The following FARS2 variants were observed in gnomAD, a reference collection of about 807,000 sequenced individuals.
The protein encoded by FARS2 is phenylalanyl-tRNA synthetase 2, mitochondrial, also known as phenylalanine--tRNA ligase, mitochondrial.
Under a neutral mutation model 46.4 loss-of-function variants are expected in FARS2, and 40 were observed. The ratio of observed to expected loss-of-function variants is 0.86; its 90% CI spans 0.67 to 1.12. FARS2 has a LOEUF of 1.12. Among genes scored for constraint, FARS2 ranks in the 50% most tolerant of loss-of-function variants. The pLI is 0.00. For missense variants in FARS2, 513 were observed against 567.9 expected (o/e 0.90, Z 0.98); for synonymous variants, 234 against 214.9 (o/e 1.09, Z -0.78).
At chr6:5,568,986 C>T (rs1459923974) in intron 5 of FARS2, among the ~76,000 whole-genome samples, 2 of 151,640 alleles carry the variant, frequency 1.3e-5, no homozygotes, top group African/African-American at 4.8e-5. Flanking sequence ...TATGGCTTAA[C>T]ACCTAAATTG....
chr6:5,646,657 A>G (rs1777095192), intron 6 of FARS2, among the ~76,000 whole-genome samples: 2 of 152,220 alleles, frequency 1.3e-5, no homozygotes, highest in South Asian at 4.1e-4. Context: ...AGTCCCTGAT[A>G]TAAAATGGCA....
chr6:5,758,231 A>G (rs894756623), intron 6 of FARS2, among the ~76,000 whole-genome samples: 9 of 147,660 alleles, frequency 6.1e-5, no homozygotes, highest in African/African-American at 2.4e-4. Context: ...TATAGGCCCA[A>G]TAATAAGCCA....
chr6:5,500,480 A>G (rs2150379669), intron 4 of FARS2, among the ~76,000 whole-genome samples: 1 of 152,346 alleles, frequency 6.6e-6, no homozygotes, highest in South Asian at 2.1e-4. Context: ...AAGGCCAGCC[A>G]CACCAGCGGA....
Position 5,396,021 on chromosome 6 carries a change from C to G in FARS2, c.613-8521C>G, listed in dbSNP as rs140230534. On this transcript the variant is annotated intron_variant, in intron 2 of 6. Transcript: ENST00000274680. ...ATTCTAGTATTCTATTAGGATAACTCTATTTCATATATAACTATTCTTTAA... is the reference window on the plus strand; with the variant it reads ...ATTCTAGTATTCTATTAGGATAACTGTATTTCATATATAACTATTCTTTAA... Among the ~76,000 whole-genome samples, 687 of 152,252 alleles carry G rather than the reference C, an allele frequency of 4.5e-3. 1 individual carries two copies. The highest frequency in any genetic ancestry group is 7.6e-3 in the Non-Finnish European group (514 of 68,006).
At chr6:5,618,618 C>A (rs1174995117) in intron 6 of FARS2, among the ~76,000 whole-genome samples, 2 of 152,126 alleles carry the variant, frequency 1.3e-5, no homozygotes, top group African/African-American at 2.4e-5. Flanking sequence ...GAAATTTTTT[C>A]TTGATTACAA....
chr6:5,427,930 G>A (rs1159902051), intron 3 of FARS2, among the ~76,000 whole-genome samples: 3 of 152,164 alleles, frequency 2.0e-5, no homozygotes, highest in Non-Finnish European at 4.4e-5. Flanking sequence ...CATTATAGAA[G>A]TGGTAAACCA....
At chr6:5,368,162 A>T (rs886988520) in intron 1 of FARS2, among the ~76,000 whole-genome samples, 4 of 152,182 alleles carry the variant, frequency 2.6e-5, no homozygotes, top group African/African-American at 9.7e-5. Flanking sequence ...ATAGGGTCCA[A>T]TTAAGTTCTG....
At chr6:5,575,199 TC>T (rs1352429825) in intron 5 of FARS2, among the ~76,000 whole-genome samples, 7 of 152,082 alleles carry the variant, frequency 4.6e-5, no homozygotes, top group Non-Finnish European at 1.0e-4. Flanking sequence ...AGCACAAAAT[TC>T]CAAACAATGT....
intron 6 of FARS2, among the ~76,000 whole-genome samples, chr6:5,654,265 G>A (rs1464355799): frequency 6.6e-6 from 1 of 152,128 alleles, no homozygotes; most frequent in African/African-American, 2.4e-5. Context: ...CACCCTACTT[G>A]CCACATCCAT....
At chr6:5,621,435 A>G (rs147999524) in intron 6 of FARS2, among the ~76,000 whole-genome samples, 2 of 152,280 alleles carry the variant, frequency 1.3e-5, no homozygotes, top group African/African-American at 2.4e-5. Context: ...GAAAAGTGAA[A>G]TAGCAATAAA....
In FARS2 at chr6:5,332,523, T is replaced by C. The variant is rs529067201; in HGVS notation, c.-21-36027T>C. Among the ~76,000 whole-genome samples, 16 of 152,354 alleles carry C rather than the reference T, an allele frequency of 1.1e-4. No homozygotes were observed. The South Asian group carries it at 3.1e-3, about 30-fold the overall frequency. ...TTTATGTGAGTTTGGAAGATGTTACTCTAGCAGTTTTTGGCTGATTTTGGT... is the reference window on the plus strand; with the variant it reads ...TTTATGTGAGTTTGGAAGATGTTACCCTAGCAGTTTTTGGCTGATTTTGGT... On this transcript the variant is annotated intron_variant, in intron 1 of 6. Transcript: ENST00000274680.
intron 3 of FARS2, among the ~76,000 whole-genome samples, chr6:5,411,830 TTTG>T (rs1238830301): frequency 2.0e-5 from 3 of 152,192 alleles, no homozygotes; most frequent in Non-Finnish European, 4.4e-5. Flanking sequence ...GCTTGTGGAT[TTTG>T]TTGTCATTTT....
chr6:5,318,942 T>G (rs1769765979), intron 1 of FARS2, among the ~76,000 whole-genome samples: 1 of 152,174 alleles, frequency 6.6e-6, no homozygotes, highest in East Asian at 1.9e-4. Context: ...GGTTCCCTGC[T>G]TCCCGACCCT....
intron 6 of FARS2, among the ~76,000 whole-genome samples, chr6:5,750,546 C>T (rs901348804): frequency 2.0e-5 from 3 of 151,982 alleles, no homozygotes; most frequent in East Asian, 1.9e-4. Flanking sequence ...TGCTGGTAGG[C>T]GGGAAGAGAA....
At chr6:5,410,166 T>G (rs1029347279) in intron 3 of FARS2, among the ~76,000 whole-genome samples, 25 of 151,486 alleles carry the variant, frequency 1.7e-4, no homozygotes, top group Middle Eastern at 3.4e-3. Context: ...TGTTTTTTTT[T>G]TTTTTGAGAT....
At chr6:5,587,005 T>A (rs1285532073) in intron 5 of FARS2, among the ~76,000 whole-genome samples, 2 of 152,186 alleles carry the variant, frequency 1.3e-5, no homozygotes, top group Non-Finnish European at 2.9e-5. Flanking sequence ...ATGAATAATC[T>A]CCCGATAAGT....
At chr6:5,634,843 G>A (rs1460751961) in intron 6 of FARS2, among the ~76,000 whole-genome samples, 2 of 152,126 alleles carry the variant, frequency 1.3e-5, no homozygotes, top group African/African-American at 4.8e-5. Context: ...TCATTCCACG[G>A]GCAGATTGAT....
chr6:5,419,145 G>A (rs954294822), intron 3 of FARS2, among the ~76,000 whole-genome samples: 2 of 152,040 alleles, frequency 1.3e-5, no homozygotes, highest in Admixed American at 1.3e-4. Flanking sequence ...TCTTTGAAAG[G>A]GTGGCTGGTG....
intron 2 of FARS2, among the ~76,000 whole-genome samples, chr6:5,373,164 TC>T (rs1759164542): frequency 6.6e-6 from 1 of 152,068 alleles, no homozygotes. Context: ...AAGGAGAGCT[TC>T]CTTAGGGGTC....
Sources: gnomAD v4.1 joint callset for allele counts (sites outside exome capture counted in the v4.1 genomes callset) on GRCh38, gnomAD v4.1.1 for gene constraint, MANE v1.5 for transcripts, NCBI Gene and HGNC (gene_info 2026-07-23, HGNC 2026-07-21) for gene names.